The following MEX3D variants were observed in gnomAD, a reference collection of about 807,000 sequenced individuals.
MEX3D encodes the protein mex-3 RNA binding family member D.
A neutral mutation model predicts 6.3 loss-of-function variants in MEX3D; 4 were observed. The ratio of observed to expected loss-of-function variants is 0.64; its 90% confidence interval spans 0.31 to 1.46. The LOEUF is 1.46. Ranked by LOEUF, MEX3D falls within the 40% of genes most tolerant of loss-of-function variation. The pLI is 0.07. For missense variants in MEX3D, 1,038 were observed against 994.4 expected, an observed-to-expected ratio of 1.04 and a Z score of -0.59; for synonymous variants, 626 against 494.1, an observed-to-expected ratio of 1.27 and a Z score of -3.54.
chr19:1,555,741 GC>G lies in MEX3D; in HGVS notation c.1777del (p.Ala593ProfsTer16). The G allele has an allele frequency of 6.6e-7, 1 of 1,514,002 alleles. No homozygotes were observed. Among genetic ancestry groups the G allele is most frequent in the Non-Finnish European group, 8.8e-7 (1 of 1,137,860 alleles). 93.8% of individuals were successfully genotyped at this position (1,514,002 alleles called of 1,614,324 possible). On this transcript the variant is annotated frameshift_variant, in exon 2 of 2. Transcript: ENST00000402693. LOFTEE classifies it low-confidence loss of function (END_TRUNC). ...CACGCACTCTCGCGCCAGGGCCGGGGCCGAGGACGCCGAAGGGGGCTTGCGG... is the reference window on the plus strand; with the variant it reads ...CACGCACTCTCGCGCCAGGGCCGGGGCGAGGACGCCGAAGGGGGCTTGCGG... ...NSRKPPSASS[A>X]PALARECVVC... is the part of the protein sequence containing the mutation.
At chr19:1,560,307 G>GGCGTGTCT in intron 1 of MEX3D, among the ~76,000 whole-genome samples, 1 of 152,244 alleles carries the variant, frequency 6.6e-6, no homozygotes, top group African/African-American at 2.4e-5. Flanking sequence ...CACAGGGAGT[G>GGCGTGTCT]GAGACCCAGC....
Position 1,555,992 on chromosome 19 carries a change from C to A in MEX3D, c.1527G>T (p.Gly509=), listed in dbSNP as rs1366660213. 1 of 1,201,090 alleles carries A rather than the reference C, an allele frequency of 8.3e-7. No homozygotes were observed. The highest frequency in any genetic ancestry group is 4.1e-5 in the East Asian group (1 of 24,298). The allele number at this position is 1,201,090 out of a possible 1,614,324, so 74.4% of individuals were successfully genotyped here. ...GCAGCGTGGGCGAGTGGCGGGGGGT[C>A]CCGGCCCCACTGCTGCGCCGGGCGC... ...AAGARRSSGA[G]TPRHSPTLPE... is the part of the protein sequence containing the mutation. The change falls in exon 2 of 2, where the codon GGG becomes GGT. Residue 509 remains glycine (G), a synonymous_variant. Transcript: ENST00000402693.
At chr19:1,566,756 T>A (rs1914851879) in intron 1 of MEX3D, among the ~76,000 whole-genome samples, 1 of 151,802 alleles carries the variant, frequency 6.6e-6, no homozygotes, top group African/African-American at 2.4e-5. Flanking sequence ...AGCCTCGCTC[T>A]CTAACAAAGA....
chr19:1,557,049 T>G, intron 1 of MEX3D, 126 bp from the exon 2 acceptor site: 1 of 1,166,972 alleles, frequency 8.6e-7, no homozygotes, highest in Non-Finnish European at 1.2e-6. Flanking sequence ...CAACAACACT[T>G]TATCCTCAGA....
At chr19:1,565,368 C>G (rs1157043245) in intron 1 of MEX3D, among the ~76,000 whole-genome samples, 1 of 152,098 alleles carries the variant, frequency 6.6e-6, no homozygotes, top group Non-Finnish European at 1.5e-5. Flanking sequence ...ATGGTGAAAC[C>G]CCGTCTCTAC....
At chr19:1,566,774 G>C (rs1362100407) in intron 1 of MEX3D, among the ~76,000 whole-genome samples, 1 of 152,016 alleles carries the variant, frequency 6.6e-6, no homozygotes, top group African/African-American at 2.4e-5. Flanking sequence ...AGAGAACAAT[G>C]GGGCGGCCAG....
At position 1,555,797 on chromosome 19, in the gene MEX3D, G is replaced by T. The variant is rs748528000; in HGVS notation, c.1722C>A (p.Ala574=). 272 of 1,395,558 alleles carry T rather than the reference G, an allele frequency of 1.9e-4. 1 individual carries two copies. The highest frequency in any genetic ancestry group is 2.5e-4 in the Non-Finnish European group (267 of 1,084,748). 86.4% of individuals were successfully genotyped at this position (1,395,558 alleles called of 1,614,324 possible). A position where few individuals can be genotyped will look rare whatever the true frequency, so the allele number is the denominator to read the frequency against. Residue 574 remains alanine (A), a synonymous_variant, in exon 2 of 2, where the codon GCC becomes GCA. Transcript: ENST00000402693. ...LPSSPAAAAC[A]PLDSGASENS... ...TCTCGGAGGCGCCGGAGTCCAGGGGGGCGCAGGCGGCGGCCGCGGGGCTGC... is the reference window on the plus strand; with the variant it reads ...TCTCGGAGGCGCCGGAGTCCAGGGGTGCGCAGGCGGCGGCCGCGGGGCTGC...
Position 1,555,438 on chromosome 19 carries a change from C to G in MEX3D, c.*125G>C, listed in dbSNP as rs576916128. On this transcript the variant is annotated 3_prime_UTR_variant, in exon 2 of 2. Transcript: ENST00000402693. ...CTGTAAACACTGGCCGCCGCCCACC[C>G]CCCTGCCCCCTCGGCCTCCGCCCCT... The G allele has an allele frequency of 2.0e-6, 3 of 1,476,382 alleles. No individual in the cohort carries two copies. Among genetic ancestry groups the G allele is most frequent in the South Asian group, 2.4e-5 (2 of 83,384 alleles). 91.5% of individuals were successfully genotyped at this position (1,476,382 alleles called of 1,614,324 possible). A position where few individuals can be genotyped will look rare whatever the true frequency, so the allele number is the denominator to read the frequency against.
intron 1 of MEX3D, among the ~76,000 whole-genome samples, chr19:1,557,179 C>T (rs1018183101): frequency 6.6e-6 from 1 of 152,220 alleles, no homozygotes; most frequent in Non-Finnish European, 1.5e-5. Flanking sequence ...AATTTATGTT[C>T]CCCTGGAACC....
chr19:1,561,330 A>AC (rs1914712493), intron 1 of MEX3D, among the ~76,000 whole-genome samples: 1 of 152,222 alleles, frequency 6.6e-6, no homozygotes, highest in Admixed American at 6.5e-5. Context: ...CGCTGAGGCA[A>AC]CAGCAAGGAC....
At chr19:1,559,257 G>A (rs756942370) in intron 1 of MEX3D, among the ~76,000 whole-genome samples, 1 of 152,056 alleles carries the variant, frequency 6.6e-6, no homozygotes, top group Admixed American at 6.6e-5. Flanking sequence ...TCAGCTTCCT[G>A]AGTAGCTGGG....
chr19:1,563,133 T>C (rs538111481), intron 1 of MEX3D, among the ~76,000 whole-genome samples: 240 of 152,322 alleles, frequency 1.6e-3, no homozygotes, highest in African/African-American at 5.6e-3. Flanking sequence ...CCTTTCTTCC[T>C]AGGGCTCTGC....
chr19:1,566,755 C>T (rs1381292085), intron 1 of MEX3D, among the ~76,000 whole-genome samples: 1 of 152,204 alleles, frequency 6.6e-6, no homozygotes, highest in East Asian at 1.9e-4. Flanking sequence ...CAGCCTCGCT[C>T]TCTAACAAAG....
intron 1 of MEX3D, among the ~76,000 whole-genome samples, chr19:1,566,455 G>A (rs1914842453): frequency 6.6e-6 from 1 of 152,154 alleles, no homozygotes; most frequent in African/African-American, 2.4e-5. Flanking sequence ...GATTCCCGAG[G>A]GCCCCGGGGA....
chr19:1,556,234 T>C lies in MEX3D; in HGVS notation c.1285A>G (p.Asn429Asp). ...TCCGCGCCGAAGGCGAAGCCCCCGTTGCCGGAGCCGCTGTAGGGGCTGGCG... is the reference window on the plus strand; with the variant it reads ...TCCGCGCCGAAGGCGAAGCCCCCGTCGCCGGAGCCGCTGTAGGGGCTGGCG... ...GPASPYSGSG[N>D]GGFAFGAEGP... The change falls in exon 2 of 2, where the codon AAC (asparagine) becomes GAC (aspartate). Residue 429 changes from asparagine to aspartate, a missense_variant. Transcript: ENST00000402693. This position sits in a 1 kb window ranked among gnomAD's most constrained non-coding sequence, Gnocchi z 7.5. 1 of 1,399,484 alleles carries C rather than the reference T, an allele frequency of 7.1e-7. No homozygotes were observed. Among genetic ancestry groups the C allele is most frequent in the Non-Finnish European group, 9.3e-7 (1 of 1,078,154 alleles). 86.7% of individuals were successfully genotyped at this position (1,399,484 alleles called of 1,614,324 possible).
At chr19:1,559,644 C>T (rs1914669403) in intron 1 of MEX3D, among the ~76,000 whole-genome samples, 1 of 152,238 alleles carries the variant, frequency 6.6e-6, no homozygotes, top group Non-Finnish European at 1.5e-5. Flanking sequence ...TGTTTCAATA[C>T]AGTCAGAAGG....
At chr19:1,560,269 G>A (rs1023827589) in intron 1 of MEX3D, among the ~76,000 whole-genome samples, 3 of 152,228 alleles carry the variant, frequency 2.0e-5, no homozygotes, top group Non-Finnish European at 4.4e-5. Flanking sequence ...GCTTTAGATA[G>A]ATCCTCCTTG....
Position 1,556,333 on chromosome 19 carries a change from GGGCCGTGTCCCCGCGGAGGCCGGCCGT to G in MEX3D, c.1159_1185del (p.Thr387_Ala395del), listed in dbSNP as rs1282861940. 4 of 1,374,736 alleles carry G rather than the reference GGGCCGTGTCCCCGCGGAGGCCGGCCGT, an allele frequency of 2.9e-6. No individual in the cohort carries two copies. The highest frequency in any genetic ancestry group is 2.5e-4 in the Middle Eastern group (1 of 3,960). The allele number at this position is 1,374,736 out of a possible 1,614,324, so 85.2% of individuals were successfully genotyped here. On this transcript the variant is annotated inframe_deletion, in exon 2 of 2. Coordinates refer to ENST00000402693, the MANE Select transcript of MEX3D (RefSeq NM_203304.4). The surrounding 1 kb of genome is among the most constrained non-coding windows in gnomAD (Gnocchi z 7.5). ...GCCTCGGGGGCGCTGGGGGCGCCCA[GGGCCGTGTCCCCGCGGAGGCCGGCCGT>G]GGCCGTGGGGGGCCGTCGTCCCTGG...
chr19:1,555,321 AC>A lies in MEX3D; in HGVS notation c.*241del. The A allele has an allele frequency of 6.3e-7, 1 of 1,598,304 alleles. No individual in the cohort carries two copies. The highest frequency in any genetic ancestry group is 8.5e-7 in the Non-Finnish European group (1 of 1,171,234). On this transcript the variant is annotated 3_prime_UTR_variant, in exon 2 of 2. Coordinates refer to ENST00000402693, the MANE Select transcript of MEX3D (RefSeq NM_203304.4). Reference sequence around the variant, plus strand: ...GACCTTTTCTCTCCGGTTTATTGTAACCTGACCACTCAATACTGTCGTTGAA... The same window carrying A: ...GACCTTTTCTCTCCGGTTTATTGTAACTGACCACTCAATACTGTCGTTGAA...
Sources: allele counts gnomAD v4.1 joint callset (sites outside exome capture counted in the v4.1 genomes callset), GRCh38; gene constraint gnomAD v4.1.1; non-coding constraint Gnocchi (gnomAD v3.1); transcripts MANE v1.5; gene names NCBI Gene and HGNC (gene_info 2026-07-23, HGNC 2026-07-21).